The following PRSS23 variants were observed in gnomAD, a reference collection of about 807,000 sequenced individuals.
PRSS23 encodes the protein protease, serine 23.
Under a neutral mutation model 34.7 loss-of-function variants are expected in PRSS23, and 25 were observed. That is an observed-to-expected ratio of 0.72 (90% CI 0.53 to 1.01). The LOEUF is 1.01. Among genes scored for constraint, PRSS23 ranks in the 50% least tolerant of loss-of-function variants. PRSS23 has a pLI of 0.00. For synonymous variants in PRSS23, 176 were observed against 186.6 expected (o/e 0.94, Z 0.46); for missense variants, 445 against 475.6 (o/e 0.94, Z 0.60).
At chr11:86,849,182 G>C (rs1297149477) in intron 2 of PRSS23, among the ~76,000 whole-genome samples, 1 of 152,154 alleles carries the variant, frequency 6.6e-6, no homozygotes. Flanking sequence ...GCTTTCTCAG[G>C]ATTAATCTCC....
Position 86,808,364 on chromosome 11 carries a change from A to G in PRSS23, c.721A>G (p.Ile241Val), listed in dbSNP as rs377204829. ...TTGGATCAAGGGCAATGCCAATGAC[A>G]TCGGCATGGATTATGATTATGCCCT... ...KGWIKGNAND[I>V]GMDYDYALLE... is the part of the protein sequence containing the mutation. The change falls in exon 2 of 2, where the codon ATC becomes GTC. Residue 241 changes from isoleucine to valine, a missense_variant. Physicochemically the swap from Ile to Val is conservative, Grantham distance 29. Transcript: ENST00000280258. 9.3e-6 allele frequency: 15 copies of G among 1,614,102 alleles called. No homozygotes were observed. Among genetic ancestry groups the G allele is most frequent in the South Asian group, 1.1e-5 (1 of 91,092 alleles).
At chr11:86,876,741 AAAC>A (rs1283694366) in intron 2 of PRSS23, among the ~76,000 whole-genome samples, 2 of 152,204 alleles carry the variant, frequency 1.3e-5, no homozygotes, top group Non-Finnish European at 2.9e-5. Flanking sequence ...ATAAAAAAAA[AAAC>A]GAAGCAATTT....
Position 86,808,913 on chromosome 11 carries a change from G to T in PRSS23, c.*118G>T, listed in dbSNP as rs192754358. ...GTGTGTGTGTGTGTGTGTGTGTAAG[G>T]TGTCTTATAATCTTTTACCTATTTC... On this transcript the variant is annotated 3_prime_UTR_variant, in exon 2 of 2. Coordinates refer to ENST00000280258, the MANE Select transcript of PRSS23 (RefSeq NM_007173.6). 1.3e-4 allele frequency: 96 copies of T among 756,498 alleles called. No homozygotes were observed. The East Asian group carries it at 2.3e-3, about 18-fold the overall frequency. 46.9% of individuals were successfully genotyped at this position (756,498 alleles called of 1,614,324 possible). A position where few individuals can be genotyped will look rare whatever the true frequency, so the allele number is the denominator to read the frequency against.
chr11:86,920,563 C>T (rs1222471373), intron 2 of PRSS23, among the ~76,000 whole-genome samples: 2 of 152,088 alleles, frequency 1.3e-5, no homozygotes, highest in Admixed American at 1.3e-4. Context: ...GAGAACAGGA[C>T]ACTTAAATAC....
chr11:86,820,823 T>C (rs1306362020), intron 1 of PRSS23, among the ~76,000 whole-genome samples: 1 of 152,202 alleles, frequency 6.6e-6, no homozygotes, highest in Non-Finnish European at 1.5e-5. Flanking sequence ...TTTTTATAGA[T>C]GGGTATGTTT....
chr11:86,879,374 C>A (rs1437413220), intron 2 of PRSS23, among the ~76,000 whole-genome samples: 3 of 150,880 alleles, frequency 2.0e-5, no homozygotes, highest in African/African-American at 4.9e-5. Context: ...AAGTGAGGAG[C>A]CCCTCCGCCC....
chr11:86,821,576 A>T (rs1948252152), intron 1 of PRSS23: 1 of 1,609,904 alleles, frequency 6.2e-7, no homozygotes, highest in Non-Finnish European at 8.5e-7. Flanking sequence ...TTTGACAACA[A>T]GTCCGTTTAG....
intron 2 of PRSS23, among the ~76,000 whole-genome samples, chr11:86,942,161 T>C (rs1276127983): frequency 6.6e-6 from 1 of 152,124 alleles, no homozygotes; most frequent in African/African-American, 2.4e-5. Flanking sequence ...GGCTTAAACC[T>C]ACCTATCAAT....
At chr11:86,939,426 A>ATATATATATATATATTTTTT in intron 2 of PRSS23, among the ~76,000 whole-genome samples, 5 of 94,072 alleles carry the variant, frequency 5.3e-5, no homozygotes, top group South Asian at 3.5e-4. Context: ...ATATATATAT[A>ATATATATATATATATTTTTT]TTTTTTAACA....
At chr11:86,861,738 C>T (rs1429319892) in intron 2 of PRSS23, among the ~76,000 whole-genome samples, 1 of 151,210 alleles carries the variant, frequency 6.6e-6, no homozygotes, top group Non-Finnish European at 1.5e-5. Flanking sequence ...TGTACACCCC[C>T]CTGTGATATT....
At position 86,924,261 on chromosome 11, in the gene PRSS23, CAA is replaced by C. The variant is rs1309164156; in HGVS notation, c.207-26952_207-26951del. On this transcript the variant is annotated intron_variant, in intron 2 of 2. Transcript: ENST00000533902. ...CGGCACCTGAGACAGCTCCCATGGG[CAA>C]AATTCCTCTCCCAGAGACTGGGAAA... Among the ~76,000 whole-genome samples, 3 of 152,188 alleles carry C rather than the reference CAA, an allele frequency of 2.0e-5. No homozygotes were observed. The East Asian group carries it at 5.8e-4, about 29-fold the overall frequency.
intron 2 of PRSS23, among the ~76,000 whole-genome samples, chr11:86,844,535 G>A (rs1465496535): frequency 6.6e-6 from 1 of 152,136 alleles, no homozygotes; most frequent in Non-Finnish European, 1.5e-5. Context: ...CTTTTTTTGA[G>A]TCTGGAGTAA....
intron 2 of PRSS23, among the ~76,000 whole-genome samples, chr11:86,828,149 C>G (rs904374604): frequency 6.6e-6 from 1 of 152,112 alleles, no homozygotes; most frequent in Non-Finnish European, 1.5e-5. Flanking sequence ...GTAGGTCACT[C>G]AGGACTTGCT....
intron 2 of PRSS23, among the ~76,000 whole-genome samples, chr11:86,892,597 C>T (rs79908318): frequency 0.036 from 5,555 of 152,286 alleles, 139 homozygotes; most frequent in Middle Eastern, 0.12. Context: ...TGAATACTGG[C>T]TGCTCAGCTC....
chr11:86,852,959 T>C (rs1286226333), intron 2 of PRSS23, among the ~76,000 whole-genome samples: 1 of 152,194 alleles, frequency 6.6e-6, no homozygotes, highest in East Asian at 1.9e-4. Context: ...GTTCAAGCGA[T>C]TCTTGTGTCT....
chr11:86,798,196 G>C (rs544054652), upstream of PRSS23, among the ~76,000 whole-genome samples: 1 of 152,120 alleles, frequency 6.6e-6, no homozygotes, highest in Non-Finnish European at 1.5e-5. Context: ...CAGACACTTA[G>C]AGATCCTCAA....
chr11:86,873,597 T>C (rs968289671), intron 2 of PRSS23, among the ~76,000 whole-genome samples: 1 of 152,204 alleles, frequency 6.6e-6, no homozygotes, highest in East Asian at 1.9e-4. Flanking sequence ...TTCTTAAAGA[T>C]TGTACCCCTG....
At position 86,808,925 on chromosome 11, in the gene PRSS23, C is replaced by A. The variant is rs569161922; in HGVS notation, c.*130C>A. On this transcript the variant is annotated 3_prime_UTR_variant, in exon 2 of 2. Transcript: ENST00000280258. Reference sequence around the variant, plus strand: ...GTGTGTGTGTAAGGTGTCTTATAATCTTTTACCTATTTCTTACAATTGCAA... The same window carrying A: ...GTGTGTGTGTAAGGTGTCTTATAATATTTTACCTATTTCTTACAATTGCAA... 2.6e-6 allele frequency: 2 copies of A among 768,784 alleles called. No homozygotes were observed. Among genetic ancestry groups the A allele is most frequent in the Admixed American group, 3.1e-5 (1 of 32,684 alleles). 47.6% of individuals were successfully genotyped at this position (768,784 alleles called of 1,614,324 possible). A position where few individuals can be genotyped will look rare whatever the true frequency, so the allele number is the denominator to read the frequency against.
downstream of PRSS23, among the ~76,000 whole-genome samples, chr11:86,812,813 A>G (rs1464868397): frequency 2.0e-5 from 3 of 151,798 alleles, no homozygotes; most frequent in South Asian, 4.2e-4. Flanking sequence ...AAGAAAAAGA[A>G]AAAGAAAAAA....
Sources: gnomAD v4.1 joint callset for allele counts (sites outside exome capture counted in the v4.1 genomes callset) on GRCh38, gnomAD v4.1.1 for gene constraint, MANE v1.5 for transcripts, NCBI Gene and HGNC (gene_info 2026-07-23, HGNC 2026-07-21) for gene names.